TBX2: variants seen among roughly 807,000 people sequenced by gnomAD.
The protein encoded by TBX2 is T-box transcription factor 2, also known as T-box transcription factor TBX2.
TBX2 carries 19 observed loss-of-function variants against 48.4 expected under a neutral mutation model. That is an observed-to-expected ratio of 0.39 (90% CI 0.27 to 0.58). The LOEUF is 0.58. Ranked by LOEUF, TBX2 falls within the 20% of genes least tolerant of loss-of-function variation. The pLI is 0.54. For synonymous variants in TBX2, 522 were observed against 459.7 expected (o/e 1.14, Z -1.73); for missense variants, 994 against 1,006.5 (o/e 0.99, Z 0.17).
Position 61,408,063 on chromosome 17 carries a change from A to G in TBX2, c.1696A>G (p.Met566Val), listed in dbSNP as rs1311891914. 11 of 1,581,874 alleles carry G rather than the reference A, an allele frequency of 7.0e-6. No individual in the cohort carries two copies. Among genetic ancestry groups the G allele is most frequent in the African/African-American group, 1.4e-5 (1 of 73,720 alleles). ...GTTCTGTTTCTTCCAGGGAATTCCAATGCCCACTTTCGGAGGCCTCTTCCC... is the reference window on the plus strand; with the variant it reads ...GTTCTGTTTCTTCCAGGGAATTCCAGTGCCCACTTTCGGAGGCCTCTTCCC... Reference protein sequence around the residue: ...QHMLASQGIPMPTFGGLFPYP... With the variant: ...QHMLASQGIPVPTFGGLFPYP... The change falls in exon 7 of 7, where the codon ATG becomes GTG. Residue 566 changes from methionine (M) to valine (V), a missense_variant. This residue lies in a region of TBX2 where 639 missense variants were observed against 613.2 expected (regional missense o/e 1.04). Coordinates refer to ENST00000240328, the MANE Select transcript of TBX2 (RefSeq NM_005994.4).
chr17:61,404,716 C>A lies in TBX2; in HGVS notation c.998C>A (p.Pro333Gln). Residue 333 changes from proline to glutamine, a missense_variant, in exon 5 of 7, where the codon CCA (proline) becomes CAA (glutamine). This residue lies in a region of TBX2 where 639 missense variants were observed against 613.2 expected (regional missense o/e 1.04). Coordinates refer to ENST00000240328, the MANE Select transcript of TBX2 (RefSeq NM_005994.4). ...TGCGACCCTCCCCCCGCGCGGGAAC[C>A]ACCCACCTCCCCGGGCGCAGCGCCC... ...SSCDPPPARE[P>Q]PTSPGAAPSP... is the part of the protein sequence containing the mutation. 1 of 1,560,764 alleles carries A rather than the reference C, an allele frequency of 6.4e-7. No homozygotes were observed. The highest frequency in any genetic ancestry group is 2.4e-5 in the East Asian group (1 of 41,604).
chr17:61,400,308 G>C lies in TBX2; in HGVS notation c.132G>C (p.Pro44=). ...CCTTCTTCCCGGCACTCGCGCTGCC[G>C]CCCGGCGCGCTGGCCAAGCCGCTGC... ...QPSFFPALAL[P]PGALAKPLPD... is the part of the protein sequence containing the mutation. Residue 44 remains proline (P), a synonymous_variant, in exon 1 of 7, where the codon CCG becomes CCC. Transcript: ENST00000240328. The surrounding 1 kb of genome is among the most constrained non-coding windows in gnomAD (Gnocchi z 9.2). 9.2e-7 allele frequency: 1 copy of C among 1,086,796 alleles called. No individual in the cohort carries two copies. The highest frequency in any genetic ancestry group is 1.1e-6 in the Non-Finnish European group (1 of 884,664). 67.3% of individuals were successfully genotyped at this position (1,086,796 alleles called of 1,614,324 possible).
Position 61,406,752 on chromosome 17 carries a change from GGT to G in TBX2, c.1686+917_1686+918del, listed in dbSNP as rs2060290752. The G allele has an allele frequency of 2.1e-5, 3 of 144,256 alleles. No homozygotes were observed. Among genetic ancestry groups the G allele is most frequent in the African/African-American group, 8.6e-5 (3 of 34,874 alleles). 8.9% of individuals were successfully genotyped at this position (144,256 alleles called of 1,614,324 possible). A position where few individuals can be genotyped will look rare whatever the true frequency, so the allele number is the denominator to read the frequency against. On this transcript the variant is annotated intron_variant, in intron 6 of 6. Coordinates refer to ENST00000240328, the MANE Select transcript of TBX2 (RefSeq NM_005994.4). The surrounding 1 kb of genome is among the most constrained non-coding windows in gnomAD (Gnocchi z 5.7). Reference sequence around the variant, plus strand: ...TGGGTTGGTGGGTGGGGGGGTGGGGGGTTGGGAGGCAGGCGATTCTGAAATGA... The same window carrying G: ...TGGGTTGGTGGGTGGGGGGGTGGGGGTGGGAGGCAGGCGATTCTGAAATGA...
chr17:61,405,214 C>T lies in TBX2; in HGVS notation c.1064C>T (p.Ser355Leu), dbSNP rs1277037820. 6.5e-7 allele frequency: 1 copy of T among 1,543,394 alleles called. No individual in the cohort carries two copies. Residue 355 changes from serine to leucine, a missense_variant, in exon 6 of 7, where the codon TCG (serine) becomes TTG (leucine). By Grantham distance (145) the Ser-to-Leu change is moderately radical. Transcript: ENST00000240328. ...CCTCTCCCCGCAGCTGAGGAGAAGT[C>T]GTGCGCCGCGGACAGCGACCCGGAG... ...RLHRARAEEK[S>L]CAADSDPEPE... is the part of the protein sequence containing the mutation.
At position 61,408,203 on chromosome 17, in the gene TBX2, G is replaced by A; in HGVS notation, c.1836G>A (p.Leu612=). The change falls in exon 7 of 7, where the codon CTG becomes CTA. Residue 612 remains leucine (L), a synonymous_variant. Coordinates refer to ENST00000240328, the MANE Select transcript of TBX2 (RefSeq NM_005994.4). ...GCTCCCTCTCCCGGAGCCCCTTCCT[G>A]GGCAGTGCCCGGCCCCGACTGCGTT... The part of the protein sequence containing the change: ...AAGSLSRSPF[L]GSARPRLRFS... 6.2e-7 allele frequency: 1 copy of A among 1,612,878 alleles called. No individual in the cohort carries two copies.
rs368442297 is a variant in TBX2 at position 61,401,711 on chromosome 17, A to G, written c.423A>G (p.Arg141=). The G allele has an allele frequency of 2.5e-6, 4 of 1,612,670 alleles. No homozygotes were observed. The highest frequency in any genetic ancestry group is 3.3e-4 in the Middle Eastern group (2 of 6,084). Residue 141 remains arginine (R), a synonymous_variant, in exon 2 of 7, where the codon CGA becomes CGG. Transcript: ENST00000240328. The part of the protein sequence containing the change: ...GRRMFPPFKV[R]VSGLDKKAKY... ...GGATGTTCCCCCCCTTCAAGGTGCGAGTCAGCGGCCTGGACAAGAAGGCCA... is the reference window on the plus strand; with the variant it reads ...GGATGTTCCCCCCCTTCAAGGTGCGGGTCAGCGGCCTGGACAAGAAGGCCA...
Position 61,405,401 on chromosome 17 carries a change from C to T in TBX2, c.1251C>T (p.Phe417=), listed in dbSNP as rs758963149. The change falls in exon 6 of 7, where the codon TTC becomes TTT. Residue 417 remains phenylalanine, a synonymous_variant. Transcript: ENST00000240328. The part of the protein sequence containing the change: ...EPAESGGDGP[F]GLRSLEKERA... Reference sequence around the variant, plus strand: ...CCGAGAGCGGCGGGGACGGCCCGTTCGGCCTGAGGAGCCTGGAGAAGGAGC... The same window carrying T: ...CCGAGAGCGGCGGGGACGGCCCGTTTGGCCTGAGGAGCCTGGAGAAGGAGC... 5.9e-6 allele frequency: 9 copies of T among 1,535,760 alleles called. No homozygotes were observed. The highest frequency in any genetic ancestry group is 2.0e-5 in the Admixed American group (1 of 50,684).
At position 61,405,362 on chromosome 17, in the gene TBX2, G is replaced by A. The variant is rs140610908; in HGVS notation, c.1212G>A (p.Arg404=). ...CCCGGGAGCGGCGTAGTCCCGAGAGGGGCAAGGAGCCGGCCGAGAGCGGCG... is the reference window on the plus strand; with the variant it reads ...CCCGGGAGCGGCGTAGTCCCGAGAGAGGCAAGGAGCCGGCCGAGAGCGGCG... The part of the protein sequence containing the change: ...ERARERRSPE[R]GKEPAESGGD... The change falls in exon 6 of 7, where the codon AGG becomes AGA. Residue 404 remains arginine (R), a synonymous_variant. Coordinates refer to ENST00000240328, the MANE Select transcript of TBX2 (RefSeq NM_005994.4). 7.9e-3 allele frequency: 12,164 copies of A among 1,547,594 alleles called. 61 individuals are homozygous for A. Among genetic ancestry groups the A allele is most frequent in the Non-Finnish European group, 9.5e-3 (10,998 of 1,151,972 alleles).
chr17:61,401,668 C>T lies in TBX2; in HGVS notation c.396-16C>T, dbSNP rs780760071. 22 of 1,607,148 alleles carry T rather than the reference C, an allele frequency of 1.4e-5. No homozygotes were observed. The highest frequency in any genetic ancestry group is 1.8e-5 in the Non-Finnish European group (21 of 1,176,808). On this transcript the variant is annotated splice_polypyrimidine_tract_variant and intron_variant, in intron 1 of 6. Coordinates refer to ENST00000240328, the MANE Select transcript of TBX2 (RefSeq NM_005994.4). ...AGCCGGTTCCAATGGGATCTCCTCC[C>T]TTCCCTCCCTCCCAGGCGGATGTTC... is the stretch of plus-strand genomic sequence containing the variant.
At chr17:61,404,936 C>A in intron 5 of TBX2, 167 bp downstream of exon 5, 1 of 1,258,490 alleles carries the variant, frequency 7.9e-7, no homozygotes, top group Non-Finnish European at 1.1e-6. Flanking sequence ...GAGGGCGGTC[C>A]CCGGTAGCCA....
rs748499090 is a variant in TBX2, at chr17:61,401,679, C to T, written c.396-5C>T. ...ATGGGATCTCCTCCCTTCCCTCCCT[C>T]CCAGGCGGATGTTCCCCCCCTTCAA... On this transcript the variant is annotated splice_polypyrimidine_tract_variant and splice_region_variant and intron_variant, in intron 1 of 6. Transcript: ENST00000240328. 7.5e-6 allele frequency: 12 copies of T among 1,610,240 alleles called. No homozygotes were observed. The African/African-American group carries it at 1.6e-4, about 22-fold the overall frequency.
rs1159939961 is a variant in TBX2 at position 61,406,690 on chromosome 17, A to G, written c.1686+854A>G. The G allele has an allele frequency of 1.4e-5, 2 of 146,342 alleles. No individual in the cohort carries two copies. Among genetic ancestry groups the G allele is most frequent in the African/African-American group, 5.3e-5 (2 of 38,000 alleles). 9.1% of individuals were successfully genotyped at this position (146,342 alleles called of 1,614,324 possible). ...AGGAAAATAGCAGTTCAGGTCTGAG[A>G]AAGCTCCTTTGCTTCAGCAGCAAAT... On this transcript the variant is annotated intron_variant, in intron 6 of 6. Transcript: ENST00000240328. This position sits in a 1 kb window ranked among gnomAD's most constrained non-coding sequence, Gnocchi z 5.7.
intron 3 of TBX2, 51 bp from the exon 4 acceptor site, chr17:61,404,370 A>G (rs2060278519): frequency 6.5e-7 from 1 of 1,545,214 alleles, no homozygotes; most frequent in Non-Finnish European, 8.8e-7. Flanking sequence ...GCCACCGACC[A>G]CGCTGGAAGA....
chr17:61,406,141 C>A lies in TBX2; in HGVS notation c.1686+305C>A, dbSNP rs1047679714. 6.4e-6 allele frequency: 2 copies of A among 313,784 alleles called. No individual in the cohort carries two copies. The highest frequency in any genetic ancestry group is 1.2e-5 in the Non-Finnish European group (2 of 172,310). 19.4% of individuals were successfully genotyped at this position (313,784 alleles called of 1,614,324 possible). On this transcript the variant is annotated intron_variant, in intron 6 of 6. Transcript: ENST00000240328. This position sits in a 1 kb window ranked among gnomAD's most constrained non-coding sequence, Gnocchi z 5.7. ...CCCCAGCGAGGAGTGCGGTGCCCAT[C>A]GAGACTCTTCTCACCCTCACAGACC...
In TBX2 at chr17:61,405,377, C is replaced by T. The variant is rs1453160330; in HGVS notation, c.1227C>T (p.Ala409=). Residue 409 remains alanine (A), a synonymous_variant, in exon 6 of 7, where the codon GCC becomes GCT. Coordinates refer to ENST00000240328, the MANE Select transcript of TBX2 (RefSeq NM_005994.4). ...GTCCCGAGAGGGGCAAGGAGCCGGC[C>T]GAGAGCGGCGGGGACGGCCCGTTCG... ...RRSPERGKEP[A]ESGGDGPFGL... 2 of 1,546,694 alleles carry T rather than the reference C, an allele frequency of 1.3e-6. No individual in the cohort carries two copies. The highest frequency in any genetic ancestry group is 1.2e-5 in the South Asian group (1 of 84,428).
Position 61,404,473 on chromosome 17 carries a change from C to G in TBX2, c.863C>G (p.Thr288Ser), listed in dbSNP as rs754853668. ...NNPFAKGFRD[T>S]GNGRREKRKQ... is the part of the protein sequence containing the mutation. The stretch of plus-strand genomic sequence containing the variant: ...CCGTTTGCCAAGGGCTTCCGGGACA[C>G]CGGGAACGGCCGGCGGGAGAAAAGG... The change falls in exon 4 of 7, where the codon ACC becomes AGC. Residue 288 changes from threonine to serine, a missense_variant. Thr to Ser is a moderately conservative substitution (Grantham distance 58). Transcript: ENST00000240328. The G allele has an allele frequency of 6.2e-7, 1 of 1,612,006 alleles. No homozygotes were observed. The highest frequency in any genetic ancestry group is 2.2e-5 in the East Asian group (1 of 44,800).
rs1046410062 is a variant in TBX2 at position 61,403,448 on chromosome 17, C to T, written c.810+241C>T. ...TGGGGCGAGCGAACAGCTGGGCCGTCGTTCTGATGGAGATGTTTACTTAAC... is the reference window on the plus strand; with the variant it reads ...TGGGGCGAGCGAACAGCTGGGCCGTTGTTCTGATGGAGATGTTTACTTAAC... On this transcript the variant is annotated intron_variant, in intron 3 of 6. Coordinates refer to ENST00000240328, the MANE Select transcript of TBX2 (RefSeq NM_005994.4). The surrounding 1 kb of genome is among the most constrained non-coding windows in gnomAD (Gnocchi z 5.8). 3.3e-5 allele frequency among the ~76,000 whole-genome samples: 5 copies of T among 152,268 alleles called. No homozygotes were observed. The highest frequency in any genetic ancestry group is 9.6e-5 in the African/African-American group (4 of 41,482).
At chr17:61,405,061 G>T (rs1603241542) in intron 5 of TBX2, 141 bp from the exon 6 acceptor site, 1 of 1,492,830 alleles carries the variant, frequency 6.7e-7, no homozygotes, top group East Asian at 2.5e-5. Context: ...TCTTGGATTA[G>T]GTGACCTGCA....
chr17:61,401,145 A>G (rs540849972), intron 1 of TBX2, among the ~76,000 whole-genome samples: 2 of 152,206 alleles, frequency 1.3e-5, no homozygotes, highest in East Asian at 3.9e-4. Flanking sequence ...GCCTGAAGAA[A>G]GCCACAGCCC....
Sources: gnomAD v4.1 joint callset for allele counts (sites outside exome capture counted in the v4.1 genomes callset) on GRCh38, gnomAD v4.1.1 for gene constraint, gnomAD v4.1.1 regional missense constraint, Gnocchi (gnomAD v3.1) non-coding constraint, MANE v1.5 for transcripts, NCBI Gene and HGNC (gene_info 2026-07-23, HGNC 2026-07-21) for gene names.